Variants in DROSHA observed in about 807,000 individuals in gnomAD.
DROSHA encodes the protein drosha ribonuclease III, also known as ribonuclease 3.
DROSHA carries 56 observed loss-of-function variants against 181.9 expected under a neutral mutation model. The ratio of observed to expected loss-of-function variants is 0.31; its 90% CI spans 0.25 to 0.38. The LOEUF (loss-of-function observed/expected upper bound fraction) is 0.38, where lower values mean the gene tolerates loss of function less well. DROSHA is among the 10% of genes least tolerant of loss of function. The pLI is 1.00. For missense variants in DROSHA, 1,218 were observed against 1,743.5 expected, an observed-to-expected ratio of 0.70 and a Z score of 5.37; for synonymous variants, 524 against 591.2, an observed-to-expected ratio of 0.89 and a Z score of 1.65.
intron 9 of DROSHA, among the ~76,000 whole-genome samples, 192 bp downstream of exon 9, chr5:31,510,843 C>G (rs1738585422): frequency 6.6e-6 from 1 of 152,122 alleles, no homozygotes; most frequent in African/African-American, 2.4e-5. Context: ...CTGTATTCTG[C>G]CAAATGAACT....
chr5:31,423,428 G>A (rs1743024739), intron 28 of DROSHA: 1 of 153,220 alleles, frequency 6.5e-6, no homozygotes, highest in African/African-American at 2.4e-5. Context: ...GTCTGGGTCT[G>A]CCCTTTAAAA....
At chr5:31,442,021 C>T (rs147404231) in intron 23 of DROSHA, among the ~76,000 whole-genome samples, 363 of 152,254 alleles carry the variant, frequency 2.4e-3, no homozygotes, top group African/African-American at 8.1e-3. Flanking sequence ...AAGTCATATA[C>T]TATTTTAACT....
At chr5:31,440,449 C>T (rs1181986946) in intron 23 of DROSHA, among the ~76,000 whole-genome samples, 1 of 152,186 alleles carries the variant, frequency 6.6e-6, no homozygotes, top group Non-Finnish European at 1.5e-5. Flanking sequence ...AGCACAACTG[C>T]TATCATTTCA....
chr5:31,517,239 T>TGTCC (rs1382737085), intron 6 of DROSHA, among the ~76,000 whole-genome samples: 5 of 152,208 alleles, frequency 3.3e-5, no homozygotes, highest in South Asian at 2.1e-4. Context: ...TTAAGATAAC[T>TGTCC]GTCCTCCCTC....
chr5:31,434,811 C>A (rs1744592379), intron 25 of DROSHA, among the ~76,000 whole-genome samples: 1 of 152,146 alleles, frequency 6.6e-6, no homozygotes, highest in African/African-American at 2.4e-5. Context: ...TTAAGAGCCA[C>A]CATTCTGCCT....
chr5:31,516,635 G>A (rs1230390145), intron 6 of DROSHA, among the ~76,000 whole-genome samples: 2 of 152,004 alleles, frequency 1.3e-5, no homozygotes, highest in Non-Finnish European at 2.9e-5. Context: ...ATGTATGTTC[G>A]CTGTAGAAAA....
chr5:31,448,577 C>A lies in DROSHA; in HGVS notation c.2852G>T (p.Arg951Leu). ...GGGAGTTGGGTCATCTTGGCCAAGG[C>A]GTGACATGATATTTATCAAGGTGTT... ...GINTLINIMS[R>L]LGQDDPTPSR... is the part of the protein sequence containing the mutation. The change falls in exon 23 of 36, where the codon CGC becomes CTC. Residue 951 changes from arginine (R) to leucine (L), a missense_variant. By Grantham distance (102) the Arg-to-Leu change is moderately radical (BLOSUM62 -2). Around this residue, in one of 8 missense-constraint regions of DROSHA, gnomAD observed 460 missense variants for 774.2 expected, o/e 0.59. Transcript: ENST00000344624. 1 of 1,613,348 alleles carries A rather than the reference C, an allele frequency of 6.2e-7. No homozygotes were observed. The highest frequency in any genetic ancestry group is 1.7e-5 in the Admixed American group (1 of 59,984).
intron 26 of DROSHA, among the ~76,000 whole-genome samples, chr5:31,430,522 C>T (rs899699851): frequency 6.6e-6 from 1 of 152,166 alleles, no homozygotes; most frequent in African/African-American, 2.4e-5. Flanking sequence ...ATACTATCTC[C>T]ATCTCACAGG....
intron 30 of DROSHA, among the ~76,000 whole-genome samples, chr5:31,412,685 G>A (rs533693069): frequency 6.6e-6 from 1 of 152,040 alleles, no homozygotes; most frequent in African/African-American, 2.4e-5. Flanking sequence ...CTCCCCCTTA[G>A]TCCCATCTTT....
chr5:31,453,728 C>G lies in DROSHA; in HGVS notation c.2575-2088G>C, dbSNP rs147512491. Among the ~76,000 whole-genome samples the G allele has an allele frequency of 1.5e-3, 222 of 152,286 alleles. 1 individual carries two copies. The highest frequency in any genetic ancestry group is 5.2e-3 in the African/African-American group (218 of 41,560). On this transcript the variant is annotated intron_variant, in intron 20 of 35. Transcript: ENST00000344624. ...AACCTGCTCCAAACAAAGCCTGTTT[C>G]TCCTTCCAAATAACCCTTTCGTGAG...
In DROSHA at chr5:31,409,575, G is replaced by T; in HGVS notation, c.3668-243C>A. 2.1e-6 allele frequency: 1 copy of T among 474,802 alleles called. No homozygotes were observed. Among genetic ancestry groups the T allele is most frequent in the South Asian group, 2.4e-5 (1 of 42,378 alleles). 29.4% of individuals were successfully genotyped at this position (474,802 alleles called of 1,614,324 possible). A position where few individuals can be genotyped will look rare whatever the true frequency, so the allele number is the denominator to read the frequency against. Reference sequence around the variant, plus strand: ...AACTGCATTTAGCTAAGGGCTAAAGGAATAGCTTAAAAGGTACACAGAATG... The same window carrying T: ...AACTGCATTTAGCTAAGGGCTAAAGTAATAGCTTAAAAGGTACACAGAATG... On this transcript the variant is annotated intron_variant, in intron 31 of 35. Coordinates refer to ENST00000344624, the MANE Select transcript of DROSHA (RefSeq NM_001382508.1). This position sits in a 1 kb window ranked among gnomAD's most constrained non-coding sequence, Gnocchi z 4.0.
intron 10 of DROSHA, chr5:31,505,788 A>G (rs1267906183): frequency 1.3e-5 from 2 of 152,232 alleles, no homozygotes; most frequent in Non-Finnish European, 2.9e-5. Context: ...ACTAGCCTTA[A>G]AAGAAAAAAT....
intron 35 of DROSHA, among the ~76,000 whole-genome samples, 196 bp from the exon 36 acceptor site, chr5:31,401,758 G>A (rs952443902): frequency 1.3e-5 from 2 of 152,094 alleles, no homozygotes; most frequent in African/African-American, 4.8e-5. Flanking sequence ...ATGGAAGTCT[G>A]GATGAGTGCC....
chr5:31,419,410 T>C (rs1333506005), intron 30 of DROSHA, among the ~76,000 whole-genome samples: 3 of 152,210 alleles, frequency 2.0e-5, no homozygotes, highest in Non-Finnish European at 4.4e-5. Context: ...GGCTGTTAAA[T>C]ACATTTTGGA....
At chr5:31,459,794 A>G (rs1473497424) in intron 20 of DROSHA, among the ~76,000 whole-genome samples, 2 of 152,214 alleles carry the variant, frequency 1.3e-5, no homozygotes, top group African/African-American at 4.8e-5. Context: ...ATATTCATTA[A>G]TTAGTCCAAA....
At position 31,532,025 on chromosome 5, in the gene DROSHA, G is replaced by A. The variant is rs1741486638; in HGVS notation, c.-285C>T. ...CTCTCGGGCCGCGAGATCGCCGTCA[G>A]AGCAAAGCCAGGCTACTACCGCAGG... On this transcript the variant is annotated 5_prime_UTR_variant, in exon 1 of 36. Coordinates refer to ENST00000344624, the MANE Select transcript of DROSHA (RefSeq NM_001382508.1). The A allele has an allele frequency of 3.5e-6, 1 of 289,412 alleles. No individual in the cohort carries two copies. The highest frequency in any genetic ancestry group is 6.6e-6 in the Non-Finnish European group (1 of 151,916). The allele number at this position is 289,412 out of a possible 1,614,324, so 17.9% of individuals were successfully genotyped here.
intron 29 of DROSHA, 50 bp downstream of exon 29, chr5:31,422,737 T>A: frequency 2.5e-6 from 4 of 1,605,310 alleles, no homozygotes; most frequent in Non-Finnish European, 3.4e-6. Flanking sequence ...GGTCTGGGAC[T>A]GCCTCATCTA....
At position 31,405,740 on chromosome 5, in the gene DROSHA, A is replaced by T. The variant is rs1740562083; in HGVS notation, c.3948-17T>A. 6.9e-7 allele frequency: 1 copy of T among 1,455,794 alleles called. No homozygotes were observed. The highest frequency in any genetic ancestry group is 1.5e-5 in the African/African-American group (1 of 68,748). 90.2% of individuals were successfully genotyped at this position (1,455,794 alleles called of 1,614,324 possible). ...TGCTGAATACTATTAAATAAAATAAAGTAAGACATACTTTAATTTCAAGAT... is the reference window on the plus strand; with the variant it reads ...TGCTGAATACTATTAAATAAAATAATGTAAGACATACTTTAATTTCAAGAT... On this transcript the variant is annotated splice_polypyrimidine_tract_variant and intron_variant, in intron 34 of 35. Coordinates refer to ENST00000344624, the MANE Select transcript of DROSHA (RefSeq NM_001382508.1).
intron 11 of DROSHA, among the ~76,000 whole-genome samples, chr5:31,502,599 C>A (rs940835686): frequency 6.6e-6 from 1 of 152,220 alleles, no homozygotes; most frequent in Non-Finnish European, 1.5e-5. Flanking sequence ...CAAGCATACC[C>A]AGGAGCCAAG....
Sources: allele counts gnomAD v4.1 joint callset (sites outside exome capture counted in the v4.1 genomes callset), GRCh38; gene constraint gnomAD v4.1.1; regional missense constraint gnomAD v4.1.1; non-coding constraint Gnocchi (gnomAD v3.1); transcripts MANE v1.5; gene names NCBI Gene and HGNC (gene_info 2026-07-23, HGNC 2026-07-21).